The following VEGFC variants were observed in gnomAD, a reference collection of about 807,000 sequenced individuals.
The protein encoded by VEGFC is vascular endothelial growth factor C.
A neutral mutation model predicts 46.1 loss-of-function variants in VEGFC; 12 were observed. That is an observed-to-expected ratio of 0.26 (90% CI 0.17 to 0.42). The LOEUF (loss-of-function observed/expected upper bound fraction) is 0.42, where lower values mean the gene tolerates loss of function less well. VEGFC is among the 10% of genes least tolerant of loss of function. VEGFC has a pLI of 1.00. For missense variants in VEGFC, 488 were observed against 529.4 expected (o/e 0.92, Z 0.77); for synonymous variants, 232 against 195.5 (o/e 1.19, Z -1.56).
chr4:176,693,520 T>C (rs1734249323), intron 4 of VEGFC, among the ~76,000 whole-genome samples: 1 of 141,450 alleles, frequency 7.1e-6, no homozygotes, highest in Non-Finnish European at 1.5e-5. Context: ...CTGAAAGTGA[T>C]GGGGAGAATG....
At chr4:176,743,238 T>C (rs920618543) in intron 1 of VEGFC, among the ~76,000 whole-genome samples, 1 of 151,940 alleles carries the variant, frequency 6.6e-6, no homozygotes, top group African/African-American at 2.4e-5. Flanking sequence ...ACTGAAGAAA[T>C]AGTAGATGAT....
chr4:176,687,561 G>A, intron 5 of VEGFC, 41 bp from the exon 6 acceptor site: 2 of 1,479,214 alleles, frequency 1.4e-6, no homozygotes, highest in Non-Finnish European at 1.8e-6. Context: ...ACCTTACTTG[G>A]TTCTGGGTGT....
chr4:176,780,029 T>C (rs187692861), intron 1 of VEGFC, among the ~76,000 whole-genome samples: 1 of 152,304 alleles, frequency 6.6e-6, no homozygotes, highest in East Asian at 1.9e-4. Flanking sequence ...CTGGAACTTG[T>C]TGCAGTTCTT....
At chr4:176,747,805 C>T (rs2110889460) in intron 1 of VEGFC, among the ~76,000 whole-genome samples, 1 of 151,912 alleles carries the variant, frequency 6.6e-6, no homozygotes, top group South Asian at 2.1e-4. Context: ...AACAAATGAA[C>T]AAAAATCAAG....
At chr4:176,754,451 A>C in intron 1 of VEGFC, among the ~76,000 whole-genome samples, 1 of 151,960 alleles carries the variant, frequency 6.6e-6, no homozygotes, top group Admixed American at 6.6e-5. Context: ...AGAAGAATAC[A>C]CTTTCTTCCC....
chr4:176,683,953 T>G lies in VEGFC; in HGVS notation c.1233A>C (p.Ser411=), dbSNP rs1373399505. The G allele has an allele frequency of 1.2e-6, 2 of 1,614,178 alleles. No individual in the cohort carries two copies. The highest frequency in any genetic ancestry group is 4.5e-5 in the East Asian group (2 of 44,880). ...YSEEVCRCVP[S]YWKRPQMS is the part of the protein sequence containing the mutation. The stretch of plus-strand genomic sequence containing the variant: ...AGCTCATTTGTGGTCTTTTCCAATA[T>G]GAAGGGACACAACGACACACTTCTT... The change falls in exon 7 of 7, where the codon TCA becomes TCC. Residue 411 remains serine (S), a synonymous_variant. Transcript: ENST00000618562.
intron 1 of VEGFC, among the ~76,000 whole-genome samples, chr4:176,743,543 TAATAA>T (rs1252603767): frequency 2.0e-5 from 3 of 150,606 alleles, no homozygotes; most frequent in Non-Finnish European, 4.4e-5. Context: ...AAACAGCATA[TAATAA>T]TATAATCTGT....
At chr4:176,746,614 C>T (rs1021702748) in intron 1 of VEGFC, among the ~76,000 whole-genome samples, 1 of 152,088 alleles carries the variant, frequency 6.6e-6, no homozygotes, top group African/African-American at 2.4e-5. Context: ...TGTGTCTTCT[C>T]TCTTGGTACT....
chr4:176,711,720 G>C, intron 3 of VEGFC, 70 bp from the exon 4 acceptor site: 2 of 1,521,192 alleles, frequency 1.3e-6, no homozygotes, highest in Non-Finnish European at 1.8e-6. Flanking sequence ...GTAAATATTG[G>C]AGTCCGAAAA....
At chr4:176,692,858 C>T (rs1384834257) in intron 4 of VEGFC, among the ~76,000 whole-genome samples, 3 of 146,412 alleles carry the variant, frequency 2.0e-5, no homozygotes, top group Admixed American at 1.3e-4. Flanking sequence ...CACCCCCCAG[C>T]AGGGGCACAC....
At chr4:176,688,962 G>C (rs1402362575) in intron 4 of VEGFC, among the ~76,000 whole-genome samples, 1 of 152,086 alleles carries the variant, frequency 6.6e-6, no homozygotes, top group African/African-American at 2.4e-5. Flanking sequence ...TTTTCAGGGG[G>C]CAGAGCTAGA....
intron 1 of VEGFC, among the ~76,000 whole-genome samples, chr4:176,743,319 T>A (rs1402832969): frequency 6.6e-6 from 1 of 151,972 alleles, no homozygotes; most frequent in East Asian, 1.9e-4. Context: ...CAAAAAAATC[T>A]GTAATAAAGT....
chr4:176,706,330 A>T (rs973724075), intron 4 of VEGFC, among the ~76,000 whole-genome samples: 3 of 152,000 alleles, frequency 2.0e-5, no homozygotes, highest in African/African-American at 7.2e-5. Flanking sequence ...TAAAGGTTTT[A>T]AAAAATCTAC....
chr4:176,710,324 A>T (rs979023250), intron 4 of VEGFC, among the ~76,000 whole-genome samples: 1 of 152,180 alleles, frequency 6.6e-6, no homozygotes, highest in Non-Finnish European at 1.5e-5. Context: ...GAAATTGCAC[A>T]TACGGCATCC....
chr4:176,711,090 G>A (rs1487006785), intron 4 of VEGFC, among the ~76,000 whole-genome samples: 1 of 152,008 alleles, frequency 6.6e-6, no homozygotes, highest in East Asian at 1.9e-4. Flanking sequence ...AATGCTAATA[G>A]ATATAAAATT....
At chr4:176,731,447 A>G (rs746632883) in intron 1 of VEGFC, among the ~76,000 whole-genome samples, 10 of 151,900 alleles carry the variant, frequency 6.6e-5, no homozygotes, top group Non-Finnish European at 1.0e-4. Context: ...TTAAATATAT[A>G]CCATTTTTAT....
At chr4:176,736,300 T>C (rs1735051967) in intron 1 of VEGFC, among the ~76,000 whole-genome samples, 2 of 151,860 alleles carry the variant, frequency 1.3e-5, no homozygotes, top group South Asian at 4.1e-4. Flanking sequence ...TTTTGTAGTG[T>C]TTTCTCTTGA....
intron 4 of VEGFC, among the ~76,000 whole-genome samples, chr4:176,703,247 A>T (rs756247454): frequency 5.3e-5 from 8 of 152,104 alleles, no homozygotes; most frequent in Non-Finnish European, 1.0e-4. Flanking sequence ...TAGAAGTTAA[A>T]AATAAAGAAA....
intron 4 of VEGFC, among the ~76,000 whole-genome samples, chr4:176,698,286 C>A (rs1380239309): frequency 6.6e-6 from 1 of 151,892 alleles, no homozygotes; most frequent in African/African-American, 2.4e-5. Context: ...TTTCTTGACT[C>A]CTCAAATCCA....
Sources: gnomAD v4.1 joint callset for allele counts (sites outside exome capture counted in the v4.1 genomes callset) on GRCh38, gnomAD v4.1.1 for gene constraint, MANE v1.5 for transcripts, NCBI Gene and HGNC (gene_info 2026-07-23, HGNC 2026-07-21) for gene names.